The following TTI1 variants were observed in gnomAD, a reference collection of about 807,000 sequenced individuals.
TTI1 encodes the protein TELO2-interacting protein 1 homolog.
Under a neutral mutation model 85.4 loss-of-function variants are expected in TTI1, and 52 were observed. That is an observed-to-expected ratio of 0.61 (90% CI 0.49 to 0.77). The LOEUF is 0.77. TTI1 is among the 30% of genes least tolerant of loss of function. The pLI is 0.00. For synonymous variants in TTI1, 512 were observed against 503.9 expected (o/e 1.02, Z -0.22); for missense variants, 1,173 against 1,296.0 (o/e 0.91, Z 1.46).
chr20:37,991,242 G>A (rs1443100270), intron 7 of TTI1, among the ~76,000 whole-genome samples: 2 of 152,214 alleles, frequency 1.3e-5, no homozygotes, highest in African/African-American at 2.4e-5. Context: ...TTTCCATGCT[G>A]GGTGCAATCC....
intron 1 of TTI1, among the ~76,000 whole-genome samples, chr20:38,022,705 G>A (rs2073786058): frequency 6.6e-6 from 1 of 152,122 alleles, no homozygotes; most frequent in Non-Finnish European, 1.5e-5. Flanking sequence ...AGATTTGGTT[G>A]TACTCCAGCC....
At chr20:38,024,025 A>G (rs1600654553) in intron 1 of TTI1, among the ~76,000 whole-genome samples, 1 of 152,202 alleles carries the variant, frequency 6.6e-6, no homozygotes. Context: ...AAAATATGTG[A>G]AGCTGTGGCT....
In TTI1 at chr20:37,996,816, C is replaced by T. The variant is rs771626619; in HGVS notation, c.2931G>A (p.Thr977=). The T allele has an allele frequency of 2.0e-5, 33 of 1,614,006 alleles. No homozygotes were observed. The highest frequency in any genetic ancestry group is 1.0e-4 in the Admixed American group (6 of 60,016). ...CAGCCAGCTGCAACTTGAAGGCCAG[C>T]GTGTGCGAGTAAACTGGTCCAGCCC... ...SARAGPVYSH[T]LAFKLQLAVL... The change falls in exon 6 of 8, where the codon ACG becomes ACA. Residue 977 remains threonine (T), a synonymous_variant. Coordinates refer to ENST00000373447, the MANE Select transcript of TTI1 (RefSeq NM_001303457.2).
At chr20:38,020,323 A>AAAAAAAAATATAT in intron 1 of TTI1, among the ~76,000 whole-genome samples, 29 of 50,380 alleles carry the variant, frequency 5.8e-4, no homozygotes, top group African/African-American at 8.9e-4. Context: ...AAAAAAAAAA[A>AAAAAAAAATATAT]ATATATATAT....
intron 1 of TTI1, among the ~76,000 whole-genome samples, chr20:38,024,171 C>T (rs1033912053): frequency 1.3e-5 from 2 of 152,120 alleles, no homozygotes; most frequent in African/African-American, 4.8e-5. Context: ...ACCTCCTGCC[C>T]TCCCCCGATT....
At chr20:38,024,125 T>G (rs574604742) in intron 1 of TTI1, among the ~76,000 whole-genome samples, 1 of 152,276 alleles carries the variant, frequency 6.6e-6, no homozygotes, top group Admixed American at 6.5e-5. Flanking sequence ...GATTCTTAAC[T>G]TAGAAGAGGG....
intron 1 of TTI1, among the ~76,000 whole-genome samples, chr20:38,030,785 A>C (rs1254593867): frequency 1.3e-5 from 2 of 152,204 alleles, no homozygotes; most frequent in African/African-American, 4.8e-5. Context: ...TCTAACCCAG[A>C]TAGCTCTTCC....
chr20:37,999,393 C>A, intron 4 of TTI1, 65 bp from the exon 5 acceptor site: 1 of 1,328,560 alleles, frequency 7.5e-7, no homozygotes, highest in Non-Finnish European at 9.7e-7. Flanking sequence ...ATCAAGTCAC[C>A]ATTTTCAAAG....
At chr20:37,984,488 G>A (rs113695640) in intron 7 of TTI1, among the ~76,000 whole-genome samples, 1 of 152,142 alleles carries the variant, frequency 6.6e-6, no homozygotes, top group South Asian at 2.1e-4. Context: ...GATCAGTCAC[G>A]TGCCCAGGGC....
In TTI1 at chr20:38,000,304, C is replaced by T. The variant is rs147074632; in HGVS notation, c.2653-976G>A. The stretch of plus-strand genomic sequence containing the variant: ...CTACATGGAGAGGCCCAGCAGGCAG[C>T]TGAGGTACAGGTTAATCTCACCAGA... On this transcript the variant is annotated intron_variant, in intron 4 of 7. Transcript: ENST00000373447. The T allele has an allele frequency of 8.3e-3, 1,284 of 154,864 alleles. 6 individuals carry two copies. The highest frequency in any genetic ancestry group is 0.023 in the African/African-American group (952 of 41,638). 9.6% of individuals were successfully genotyped at this position (154,864 alleles called of 1,614,324 possible). A position where few individuals can be genotyped will look rare whatever the true frequency, so the allele number is the denominator to read the frequency against.
chr20:37,987,280 GA>G (rs1208311638), intron 7 of TTI1: 1 of 456,578 alleles, frequency 2.2e-6, no homozygotes, highest in Non-Finnish European at 4.4e-6. Flanking sequence ...CAAAGTTGTT[GA>G]AAACTCCTTT....
chr20:38,012,721 C>G lies in TTI1; in HGVS notation c.1096G>C (p.Gly366Arg). The G allele has an allele frequency of 6.2e-7, 1 of 1,614,142 alleles. No homozygotes were observed. The highest frequency in any genetic ancestry group is 8.5e-7 in the Non-Finnish European group (1 of 1,180,026). ...AAGATGTCAGCGAGGGCTTTGTTGC[C>G]CACCACTACTTTTTGATCTGCAAAA... is the stretch of plus-strand genomic sequence containing the variant. ...RHFADQKVVV[G>R]NKALADILSE... The change falls in exon 2 of 8, where the codon GGC (glycine) becomes CGC (arginine). Residue 366 changes from glycine (G) to arginine (R), a missense_variant. By Grantham distance (125) the Gly-to-Arg change is moderately radical. Transcript: ENST00000373447.
intron 3 of TTI1, among the ~76,000 whole-genome samples, chr20:38,005,271 C>A (rs1018243335): frequency 1.3e-5 from 2 of 152,186 alleles, no homozygotes; most frequent in Non-Finnish European, 2.9e-5. Context: ...CCACCAAGCT[C>A]ATTATGACTT....
At chr20:38,027,995 CTGTCTTCATCTT>C (rs1217667064) in intron 1 of TTI1, among the ~76,000 whole-genome samples, 5 of 152,128 alleles carry the variant, frequency 3.3e-5, no homozygotes, top group Admixed American at 6.5e-5. Flanking sequence ...TTACACAGGT[CTGTCTTCATCTT>C]TGTCTTCACC....
At chr20:38,023,784 CCTCT>C (rs2073800373) in intron 1 of TTI1, among the ~76,000 whole-genome samples, 1 of 152,168 alleles carries the variant, frequency 6.6e-6, no homozygotes, top group Admixed American at 6.5e-5. Context: ...CTCATCTTTC[CCTCT>C]ATCTAGAAAT....
chr20:38,025,236 C>T (rs545047529), intron 1 of TTI1, among the ~76,000 whole-genome samples: 5 of 152,096 alleles, frequency 3.3e-5, no homozygotes, highest in Admixed American at 2.6e-4. Flanking sequence ...ATATAAAAAT[C>T]ACTCATACCA....
intron 1 of TTI1, among the ~76,000 whole-genome samples, chr20:38,028,045 G>A (rs574302839): frequency 3.3e-5 from 5 of 152,306 alleles, no homozygotes; most frequent in South Asian, 2.1e-4. Flanking sequence ...GAGGTGGGTT[G>A]GCAGAAGGGA....
At position 37,999,819 on chromosome 20, in the gene TTI1, CA is replaced by C. The variant is rs926265176; in HGVS notation, c.2653-492del. Among the ~76,000 whole-genome samples the C allele has an allele frequency of 6.8e-4, 104 of 152,292 alleles. 1 individual carries two copies. The highest frequency in any genetic ancestry group is 2.5e-3 in the African/African-American group (103 of 41,546). On this transcript the variant is annotated intron_variant, in intron 4 of 7. Transcript: ENST00000373447. ...GAAAGAAGGGCAGCGTGGAGCATTA[CA>C]GAGAAGAGGTAAAACGGGGCCCAAC... is the stretch of plus-strand genomic sequence containing the variant.
chr20:38,026,013 T>G (rs557645168), intron 1 of TTI1, among the ~76,000 whole-genome samples: 6 of 152,304 alleles, frequency 3.9e-5, no homozygotes, highest in Admixed American at 1.3e-4. Flanking sequence ...CGCCACAAAG[T>G]TGGCAAAGAC....
Sources: gnomAD v4.1 joint callset for allele counts (sites outside exome capture counted in the v4.1 genomes callset) on GRCh38, gnomAD v4.1.1 for gene constraint, MANE v1.5 for transcripts, NCBI Gene and HGNC (gene_info 2026-07-23, HGNC 2026-07-21) for gene names.